The following ZDHHC15 variants were observed in gnomAD, a reference collection of about 807,000 sequenced individuals.
ZDHHC15 encodes the protein palmitoyltransferase ZDHHC15.
In ZDHHC15, 19 loss-of-function variants were observed where a neutral mutation model predicts 31.7. The ratio of observed to expected loss-of-function variants is 0.60; its 90% confidence interval spans 0.42 to 0.88. The LOEUF (loss-of-function observed/expected upper bound fraction) is 0.88, where lower values mean the gene tolerates loss of function less well. ZDHHC15 is among the 40% of genes least tolerant of loss of function. The pLI is 0.00. For synonymous variants in ZDHHC15, 103 were observed against 90.0 expected, an observed-to-expected ratio of 1.14 and a Z score of -0.82; for missense variants, 209 against 251.2, an observed-to-expected ratio of 0.83 and a Z score of 1.14.
rs779635251 is a variant in ZDHHC15 at position 75,442,709 on chromosome X, G to A, written c.379+8093C>T. On this transcript the variant is annotated intron_variant, in intron 4 of 11. Coordinates refer to ENST00000373367, the MANE Select transcript of ZDHHC15 (RefSeq NM_144969.3). ...GGATAGAAAAAATCAATATTGGGCC[G>A]GGCGCGGTGGCTCACGCCTGTAATC... Among the ~76,000 whole-genome samples the A allele has an allele frequency of 4.9e-4, 55 of 111,677 alleles. 1 individual carries two copies. In the South Asian group the frequency reaches 7.5e-3, roughly 15 times the overall value.
intron 11 of ZDHHC15, among the ~76,000 whole-genome samples, chrX:75,373,926 G>GTTTTTCTTT (rs2083027905): frequency 2.0e-5 from 1 of 50,456 alleles, no homozygotes; most frequent in Admixed American, 3.4e-4. Flanking sequence ...CATTCTTTCT[G>GTTTTTCTTT]TTTTTTTTTT....
At chrX:75,485,629 G>A (rs964269472) in intron 2 of ZDHHC15, among the ~76,000 whole-genome samples, 2 of 111,235 alleles carry the variant, frequency 1.8e-5, no homozygotes, top group East Asian at 5.7e-4. Flanking sequence ...GGAGAGAGAC[G>A]TATTGAAGCA....
intron 3 of ZDHHC15, among the ~76,000 whole-genome samples, chrX:75,462,647 G>A (rs761322854): frequency 1.3e-4 from 14 of 111,975 alleles, no homozygotes; most frequent in Admixed American, 1.9e-4. Flanking sequence ...CATGGAAATT[G>A]GATAACCTGC....
At chrX:75,418,564 T>C (rs775677227) in intron 9 of ZDHHC15, among the ~76,000 whole-genome samples, 3 of 112,056 alleles carry the variant, frequency 2.7e-5, no homozygotes, top group South Asian at 3.7e-4. Flanking sequence ...CAAATTAAAC[T>C]ATACTACAAG....
chrX:75,412,237 A>C (rs903485997), intron 10 of ZDHHC15, among the ~76,000 whole-genome samples: 1 of 111,558 alleles, frequency 9.0e-6, no homozygotes. Context: ...ATTGAAAAAT[A>C]GAACTACTAT....
rs746896904 is a variant in ZDHHC15, at chrX:75,412,546, C to T, written c.967+4541G>A. The stretch of plus-strand genomic sequence containing the variant: ...TCCCGGGTTCAAGCGATTCTCCTGC[C>T]TCAACCTCCCGAGTAGCTGGGATTA... On this transcript the variant is annotated intron_variant, in intron 10 of 11. Transcript: ENST00000373367. Among the ~76,000 whole-genome samples, 602 of 110,819 alleles carry T rather than the reference C, an allele frequency of 5.4e-3. 3 individuals are homozygous for T. Among genetic ancestry groups the T allele is most frequent in the Non-Finnish European group, 9.1e-3 (481 of 52,898 alleles).
At chrX:75,376,811 A>G (rs1159913560) in intron 11 of ZDHHC15, among the ~76,000 whole-genome samples, 1 of 111,712 alleles carries the variant, frequency 9.0e-6, no homozygotes, top group Admixed American at 9.5e-5. Flanking sequence ...TTGTCTTTTC[A>G]TTTTGAAGAA....
chrX:75,385,735 C>T lies in ZDHHC15; in HGVS notation c.968-6537G>A, dbSNP rs756543171. Among the ~76,000 whole-genome samples, 3 of 111,363 alleles carry T rather than the reference C, an allele frequency of 2.7e-5. No individual in the cohort carries two copies. The Admixed American group carries it at 2.9e-4, about 11-fold the overall frequency. On this transcript the variant is annotated intron_variant, in intron 10 of 11. Transcript: ENST00000373367. ...TTACCTTTGGCCTCTGCATTCCTTG[C>T]CACCAATCTAGATCCTATCTAATCT...
At chrX:75,429,826 A>G in intron 6 of ZDHHC15, 122 bp downstream of exon 6, 3 of 714,324 alleles carry the variant, frequency 4.2e-6, no homozygotes, top group Middle Eastern at 3.1e-4. Flanking sequence ...CCCCTACAGA[A>G]ATATAAAACC....
Position 75,371,181 on chromosome X carries a change from G to A in ZDHHC15, c.*1797C>T, listed in dbSNP as rs145289753. 25 of 111,923 alleles carry A rather than the reference G, an allele frequency of 2.2e-4. 1 individual carries two copies. The East Asian group carries it at 6.8e-3, about 30-fold the overall frequency. 9.2% of individuals were successfully genotyped at this position (111,923 alleles called of 1,213,427 possible). A position where few individuals can be genotyped will look rare whatever the true frequency, so the allele number is the denominator to read the frequency against. On this transcript the variant is annotated 3_prime_UTR_variant, in exon 12 of 12. Coordinates refer to ENST00000373367, the MANE Select transcript of ZDHHC15 (RefSeq NM_144969.3). ...TCTATATGAATAGAAGACAAGGCTTGTCTGTCATAAAACCATGGGAATGGC... is the reference window on the plus strand; with the variant it reads ...TCTATATGAATAGAAGACAAGGCTTATCTGTCATAAAACCATGGGAATGGC...
At chrX:75,488,374 T>C (rs951749328) in intron 2 of ZDHHC15, among the ~76,000 whole-genome samples, 1 of 111,935 alleles carries the variant, frequency 8.9e-6, no homozygotes, top group Non-Finnish European at 1.9e-5. Flanking sequence ...CTTAGCCACC[T>C]TAAACAAAAT....
intron 5 of ZDHHC15, 75 bp from the exon 6 acceptor site, chrX:75,430,055 G>T (rs1289224738): frequency 9.4e-7 from 1 of 1,059,844 alleles, no homozygotes; most frequent in East Asian, 3.1e-5. Context: ...TAAACTCAAG[G>T]TTTCACCAGT....
At chrX:75,445,138 AAAT>A (rs1198886995) in intron 4 of ZDHHC15, among the ~76,000 whole-genome samples, 1 of 111,461 alleles carries the variant, frequency 9.0e-6, no homozygotes, top group Non-Finnish European at 1.9e-5. Flanking sequence ...TAAATAATGT[AAAT>A]AATAATTTAT....
intron 3 of ZDHHC15, among the ~76,000 whole-genome samples, chrX:75,474,410 A>G (rs2084554899): frequency 9.8e-6 from 1 of 102,314 alleles, no homozygotes; most frequent in African/African-American, 3.6e-5. Flanking sequence ...GATTGTGTGA[A>G]TTAATACTTA....
intron 2 of ZDHHC15, among the ~76,000 whole-genome samples, chrX:75,496,716 T>C (rs1206397562): frequency 9.0e-6 from 1 of 111,521 alleles, no homozygotes; most frequent in African/African-American, 3.3e-5. Context: ...TTCAAAACTA[T>C]ACACATACAT....
chrX:75,397,056 G>A (rs1203896580), intron 10 of ZDHHC15, among the ~76,000 whole-genome samples: 1 of 111,312 alleles, frequency 9.0e-6, no homozygotes, highest in Non-Finnish European at 1.9e-5. Flanking sequence ...GCTGGGTGCG[G>A]TGGCTCACAT....
At chrX:75,444,775 T>C (rs2084010146) in intron 4 of ZDHHC15, among the ~76,000 whole-genome samples, 1 of 101,653 alleles carries the variant, frequency 9.8e-6, no homozygotes. Context: ...GAAATGGTAA[T>C]GTTTAAATAA....
chrX:75,486,423 T>C (rs970502634), intron 2 of ZDHHC15, among the ~76,000 whole-genome samples: 5 of 112,010 alleles, frequency 4.5e-5, no homozygotes, highest in Admixed American at 2.8e-4. Context: ...TCTGTAATAA[T>C]TTCAACTGAG....
At chrX:75,407,321 C>G (rs2083424814) in intron 10 of ZDHHC15, among the ~76,000 whole-genome samples, 1 of 110,950 alleles carries the variant, frequency 9.0e-6, no homozygotes, top group African/African-American at 3.3e-5. Flanking sequence ...AAGTGAGGAG[C>G]CCCTCCACCC....
Sources: allele counts gnomAD v4.1 joint callset (sites outside exome capture counted in the v4.1 genomes callset), GRCh38; gene constraint gnomAD v4.1.1; transcripts MANE v1.5; gene names NCBI Gene and HGNC (gene_info 2026-07-23, HGNC 2026-07-21).